ARSG: variants seen among roughly 807,000 people sequenced by gnomAD.
The protein encoded by ARSG is ASG.
In ARSG, 37 loss-of-function variants were observed where a neutral mutation model predicts 50.5. That is an observed-to-expected ratio of 0.73 (90% CI 0.56 to 0.96). The LOEUF (loss-of-function observed/expected upper bound fraction) is 0.96. Among genes scored for constraint, ARSG ranks in the 50% least tolerant of loss-of-function variants. ARSG has a pLI of 0.00. For missense variants in ARSG, 629 were observed against 675.3 expected, an observed-to-expected ratio of 0.93 and a Z score of 0.76; for synonymous variants, 225 against 254.6, an observed-to-expected ratio of 0.88 and a Z score of 1.11.
At chr17:68,451,848 A>G in the ARSG span, among the ~76,000 whole-genome samples, 1 of 152,256 alleles carries the variant, frequency 6.6e-6, no homozygotes, top group Non-Finnish European at 1.5e-5. Context: ...TCCTGAGCAC[A>G]AAGGTTACGG....
intron 11 of ARSG, among the ~76,000 whole-genome samples, chr17:68,410,718 C>T (rs2081961728): frequency 6.6e-6 from 1 of 152,128 alleles, no homozygotes; most frequent in Non-Finnish European, 1.5e-5. Flanking sequence ...CTCCTTCTAC[C>T]TCTGGTAGAA....
chr17:68,409,598 G>T (rs995039629), intron 11 of ARSG, among the ~76,000 whole-genome samples: 1 of 151,672 alleles, frequency 6.6e-6, no homozygotes, highest in Non-Finnish European at 1.5e-5. Context: ...TTGACTTGGC[G>T]ATGCGGGCTC....
chr17:68,286,935 G>A (rs922963463), upstream of ARSG, among the ~76,000 whole-genome samples: 1 of 152,214 alleles, frequency 6.6e-6, no homozygotes, highest in East Asian at 1.9e-4. Context: ...TAGCTAGCTG[G>A]TCATTGCTTA....
chr17:68,317,328 G>C (rs1400869459), intron 2 of ARSG, among the ~76,000 whole-genome samples: 1 of 152,104 alleles, frequency 6.6e-6, no homozygotes, highest in Non-Finnish European at 1.5e-5. Flanking sequence ...ATATCCCTTT[G>C]GGAGAAACTG....
intron 6 of ARSG, among the ~76,000 whole-genome samples, chr17:68,361,758 G>C (rs1376015079): frequency 6.6e-6 from 1 of 151,818 alleles, no homozygotes; most frequent in Non-Finnish European, 1.5e-5. Flanking sequence ...CTCTATTAAA[G>C]ATACAAAAAT....
chr17:68,299,643 A>G (rs1393018198), intron 1 of ARSG, among the ~76,000 whole-genome samples: 2 of 152,190 alleles, frequency 1.3e-5, no homozygotes, highest in South Asian at 4.1e-4. Flanking sequence ...TTATTTACAA[A>G]TCTATGCAGA....
At chr17:68,426,254 G>GGGGGCCCCCC, downstream of ARSG, 1 of 816,916 alleles carries the variant, frequency 1.2e-6, no homozygotes, top group Non-Finnish European at 1.9e-6. Flanking sequence ...GGGAGCGGGG[G>GGGGGCCCCCC]CTCAAATAAA....
intron 1 of ARSG, among the ~76,000 whole-genome samples, chr17:68,281,470 G>A (rs1448236470): frequency 5.9e-5 from 9 of 152,050 alleles, no homozygotes; most frequent in East Asian, 1.9e-4. Flanking sequence ...AGCTACTCGC[G>A]AGGCTGAGGC....
intron 1 of ARSG, among the ~76,000 whole-genome samples, chr17:68,303,406 T>C (rs1555762687): frequency 6.6e-6 from 1 of 152,148 alleles, no homozygotes; most frequent in African/African-American, 2.4e-5. Context: ...ATTACAGGCA[T>C]GAGCCACTGA....
the ARSG span, chr17:68,435,539 G>C: frequency 1.5e-6 from 2 of 1,372,504 alleles, no homozygotes; most frequent in Non-Finnish European, 1.0e-6. Flanking sequence ...CATGTCACCA[G>C]GTTTGTTCAA....
Position 68,368,693 on chromosome 17 carries a change from A to G in ARSG, c.850A>G (p.Lys284Glu). The G allele has an allele frequency of 6.2e-7, 1 of 1,614,068 alleles. No homozygotes were observed. Among genetic ancestry groups the G allele is most frequent in the Non-Finnish European group, 8.5e-7 (1 of 1,179,982 alleles). Residue 284 changes from lysine to glutamate, a missense_variant, in exon 7 of 12, where the codon AAG (lysine) becomes GAG (glutamate). Coordinates refer to ENST00000621439, the MANE Select transcript of ARSG (RefSeq NM_001267727.2). ...WEMDSLVGQI[K>E]DKVDHTVKEN... is the part of the protein sequence containing the mutation. ...GATGGACAGTCTGGTGGGCCAGATC[A>G]AGGACAAAGTTGACCACACAGTGAA...
intron 1 of ARSG, among the ~76,000 whole-genome samples, chr17:68,300,592 C>A (rs1441880535): frequency 6.6e-6 from 1 of 152,128 alleles, no homozygotes; most frequent in Non-Finnish European, 1.5e-5. Context: ...AGAGGTCCAT[C>A]TCCTCTCTCT....
chr17:68,438,069 T>C, the ARSG span, among the ~76,000 whole-genome samples: 1 of 151,076 alleles, frequency 6.6e-6, no homozygotes, highest in Non-Finnish European at 1.5e-5. Flanking sequence ...CCTCAACTAA[T>C]CTGCTGAGGA....
At chr17:68,327,806 G>A (rs1314209434) in intron 2 of ARSG, among the ~76,000 whole-genome samples, 2 of 152,148 alleles carry the variant, frequency 1.3e-5, no homozygotes, top group Non-Finnish European at 2.9e-5. Context: ...GACGGGTTAT[G>A]GTGGCTGAGA....
the ARSG span, among the ~76,000 whole-genome samples, chr17:68,429,266 C>G: frequency 6.6e-6 from 1 of 152,156 alleles, no homozygotes; most frequent in Non-Finnish European, 1.5e-5. Flanking sequence ...TGCCCTTAAC[C>G]AAGACAGAAA....
At chr17:68,397,070 G>C (rs1454414158) in intron 10 of ARSG, among the ~76,000 whole-genome samples, 1 of 152,158 alleles carries the variant, frequency 6.6e-6, no homozygotes, top group Non-Finnish European at 1.5e-5. Flanking sequence ...ACTGCCTGTG[G>C]GAGCCAGCTC....
In ARSG at chr17:68,368,653, T is replaced by C. The variant is rs1428924089; in HGVS notation, c.810T>C (p.Gly270=). ...CGCCACGGGGCAGAAGCCTGTATGG[T>C]GCAGGGCTCTGGGAGATGGACAGTC... ...PAAPRGRSLY[G]AGLWEMDSLV... is the part of the protein sequence containing the mutation. Residue 270 remains glycine (G), a synonymous_variant, in exon 7 of 12, where the codon GGT becomes GGC. Coordinates refer to ENST00000621439, the MANE Select transcript of ARSG (RefSeq NM_001267727.2). The C allele has an allele frequency of 6.2e-7, 1 of 1,614,212 alleles. No individual in the cohort carries two copies. Among genetic ancestry groups the C allele is most frequent in the South Asian group, 1.1e-5 (1 of 91,088 alleles).
chr17:68,422,715 T>TA (rs2082881324), downstream of ARSG: 1 of 114,722 alleles, frequency 8.7e-6, no homozygotes, highest in Non-Finnish European at 1.6e-5. Context: ...AGGGACAGAG[T>TA]GAGACTCTAT....
chr17:68,298,926 A>G (rs1555759821), intron 1 of ARSG, among the ~76,000 whole-genome samples: 1 of 152,010 alleles, frequency 6.6e-6, no homozygotes, highest in Non-Finnish European at 1.5e-5. Context: ...TCAACATACA[A>G]ATTTTGGGGG....
Sources: allele counts gnomAD v4.1 joint callset (sites outside exome capture counted in the v4.1 genomes callset), GRCh38; gene constraint gnomAD v4.1.1; transcripts MANE v1.5; gene names NCBI Gene and HGNC (gene_info 2026-07-23, HGNC 2026-07-21).